Variants in SLC26A7 observed in about 807,000 individuals in gnomAD.
SLC26A7 encodes solute carrier family 26 member 7.
Under a neutral mutation model 82.5 loss-of-function variants are expected in SLC26A7, and 59 were observed. That is an observed-to-expected ratio of 0.72 (90% CI 0.58 to 0.89). SLC26A7 has a LOEUF of 0.89. Among genes scored for constraint, SLC26A7 ranks in the 40% least tolerant of loss-of-function variants. The pLI is 0.00. For missense variants in SLC26A7, 820 were observed against 793.0 expected (o/e 1.03, Z -0.41); for synonymous variants, 271 against 274.3 (o/e 0.99, Z 0.12).
chr8:91,392,906 A>C (rs1808442739), intron 16 of SLC26A7, among the ~76,000 whole-genome samples: 1 of 152,200 alleles, frequency 6.6e-6, no homozygotes, highest in Non-Finnish European at 1.5e-5. Flanking sequence ...CCATTTATTC[A>C]ATGGCAAAGA....
intron 5 of SLC26A7, among the ~76,000 whole-genome samples, chr8:91,331,375 A>T (rs941092270): frequency 3.3e-5 from 5 of 152,200 alleles, no homozygotes; most frequent in African/African-American, 1.2e-4. Flanking sequence ...TACTATATGT[A>T]TACATGTAAC....
chr8:91,342,094 CT>C (rs373521103), intron 8 of SLC26A7, among the ~76,000 whole-genome samples: 7 of 148,544 alleles, frequency 4.7e-5, no homozygotes, highest in South Asian at 2.2e-4. Flanking sequence ...TGCCTGGCTA[CT>C]TTTTTTTTTC....
chr8:91,320,911 A>G (rs1368372023), intron 5 of SLC26A7, among the ~76,000 whole-genome samples: 2 of 152,230 alleles, frequency 1.3e-5, no homozygotes, highest in Non-Finnish European at 2.9e-5. Context: ...TTGGATATCT[A>G]GAATATTTAA....
At chr8:91,276,545 C>G (rs1469873858) in intron 2 of SLC26A7, among the ~76,000 whole-genome samples, 1 of 152,162 alleles carries the variant, frequency 6.6e-6, no homozygotes, top group Non-Finnish European at 1.5e-5. Context: ...ATCAAGCCCC[C>G]TTGTAGCCAA....
chr8:91,336,289 G>T (rs535767523), intron 6 of SLC26A7, among the ~76,000 whole-genome samples: 30 of 152,178 alleles, frequency 2.0e-4, no homozygotes, highest in African/African-American at 6.7e-4. Flanking sequence ...GCCATGGACT[G>T]GTACCAGTTC....
chr8:91,353,020 C>T (rs1200925572), intron 11 of SLC26A7, 24 bp downstream of exon 11: 8 of 1,519,284 alleles, frequency 5.3e-6, no homozygotes, highest in Admixed American at 1.8e-5. Context: ...TGACCTAAAA[C>T]AATCCCTTTT....
chr8:91,375,364 A>G (rs1230657758), intron 15 of SLC26A7, among the ~76,000 whole-genome samples: 1 of 152,170 alleles, frequency 6.6e-6, no homozygotes, highest in Non-Finnish European at 1.5e-5. Context: ...CTTTCATGGT[A>G]GCAAGTATTG....
Position 91,318,859 on chromosome 8 carries a change from G to A in SLC26A7, c.642+479G>A, listed in dbSNP as rs1812714300. Among the ~76,000 whole-genome samples the A allele has an allele frequency of 2.6e-5, 4 of 151,718 alleles. No individual in the cohort carries two copies. In the South Asian group the frequency reaches 8.3e-4, roughly 31 times the overall value. ...AACCCAAGAAAGAGAGTAGCACCTG[G>A]CCATTTGCAACATATTTTTCTAACA... On this transcript the variant is annotated intron_variant, in intron 5 of 18. Transcript: ENST00000276609.
intron 2 of SLC26A7, among the ~76,000 whole-genome samples, chr8:91,279,159 ATATATATG>A (rs1419599918): frequency 2.3e-3 from 234 of 102,024 alleles, no homozygotes; most frequent in African/African-American, 8.5e-3. Context: ...ATATATATAT[ATATATATG>A]TATCACATTT....
intron 4 of SLC26A7, among the ~76,000 whole-genome samples, chr8:91,306,746 G>C (rs1204824999): frequency 6.7e-6 from 1 of 150,198 alleles, no homozygotes; most frequent in Non-Finnish European, 1.5e-5. Flanking sequence ...GTCTCACTCT[G>C]TTGCTCAGGC....
In SLC26A7 at chr8:91,389,426, C is replaced by A. The variant is rs1814892478; in HGVS notation, c.1764C>A (p.Ser588=). The A allele has an allele frequency of 2.5e-6, 4 of 1,611,876 alleles. No individual in the cohort carries two copies. ...GFTFFDYSGV[S]MLVEVYMDCK... ...CCTTTTTTGACTATTCTGGAGTCTC[C>A]ATGCTTGTTGAGGTATTTATGGAAC... is the stretch of plus-strand genomic sequence containing the variant. Residue 588 remains serine (S), a synonymous_variant, in exon 16 of 19, where the codon TCC becomes TCA. Coordinates refer to ENST00000276609, the MANE Select transcript of SLC26A7 (RefSeq NM_052832.4).
At chr8:91,213,017 T>A (rs1809962609) in intron 1 of SLC26A7, among the ~76,000 whole-genome samples, 1 of 152,178 alleles carries the variant, frequency 6.6e-6, no homozygotes, top group South Asian at 2.1e-4. Flanking sequence ...ACAGTAGTAT[T>A]CTGTATCTAT....
chr8:91,336,821 C>G (rs1813257591), intron 6 of SLC26A7, among the ~76,000 whole-genome samples: 1 of 151,852 alleles, frequency 6.6e-6, no homozygotes, highest in Admixed American at 6.6e-5. Flanking sequence ...GTATCAAATA[C>G]CCTGCATACT....
chr8:91,370,185 T>C (rs1002598634), intron 15 of SLC26A7, among the ~76,000 whole-genome samples: 3 of 112,714 alleles, frequency 2.7e-5, no homozygotes, highest in African/African-American at 4.5e-5. Context: ...CTTCTTTTTT[T>C]TTCTATTTTC....
intron 9 of SLC26A7, among the ~76,000 whole-genome samples, chr8:91,349,113 A>T (rs1813645129): frequency 6.6e-6 from 1 of 152,148 alleles, no homozygotes; most frequent in Non-Finnish European, 1.5e-5. Flanking sequence ...CTATAATATT[A>T]ATTTCCATGA....
chr8:91,243,206 G>T (rs1490001181), intron 2 of SLC26A7, among the ~76,000 whole-genome samples: 1 of 152,128 alleles, frequency 6.6e-6, no homozygotes, highest in East Asian at 1.9e-4. Context: ...CAGTTTAAAA[G>T]CCATATTACA....
chr8:91,372,111 T>C (rs1223396400), intron 15 of SLC26A7, among the ~76,000 whole-genome samples: 2 of 151,926 alleles, frequency 1.3e-5, no homozygotes, highest in African/African-American at 2.4e-5. Flanking sequence ...AAGTTCAAAT[T>C]CCTTATAGAT....
In SLC26A7 at chr8:91,393,865, CCTGA is replaced by C; in HGVS notation, c.1831+17_1831+20del. ...CCCATTGTACAGGTAAGAGAATGTC[CCTGA>C]CTAACGTTGAATGTGATTTTTCTGC... On this transcript the variant is annotated intron_variant, in intron 17 of 18. Coordinates refer to ENST00000276609, the MANE Select transcript of SLC26A7 (RefSeq NM_052832.4). 5 of 1,613,424 alleles carry C rather than the reference CCTGA, an allele frequency of 3.1e-6. No homozygotes were observed. Among genetic ancestry groups the C allele is most frequent in the Non-Finnish European group, 4.2e-6 (5 of 1,179,508 alleles).
chr8:91,269,818 T>A (rs1811219747), intron 2 of SLC26A7, among the ~76,000 whole-genome samples: 1 of 152,060 alleles, frequency 6.6e-6, no homozygotes, highest in Non-Finnish European at 1.5e-5. Flanking sequence ...ATTTCATATG[T>A]TCTATGTTTG....
Sources: allele counts gnomAD v4.1 joint callset (sites outside exome capture counted in the v4.1 genomes callset), GRCh38; gene constraint gnomAD v4.1.1; transcripts MANE v1.5; gene names NCBI Gene and HGNC (gene_info 2026-07-23, HGNC 2026-07-21).